Variants in PLEKHA6 observed in about 807,000 individuals in gnomAD.
PLEKHA6 encodes the protein pleckstrin homology domain-containing family A member 6.
In PLEKHA6, 60 loss-of-function variants were observed where a neutral mutation model predicts 116.7. That is an observed-to-expected ratio of 0.51 (90% CI 0.42 to 0.64). The LOEUF is 0.64. Among genes scored for constraint, PLEKHA6 ranks in the 30% least tolerant of loss-of-function variants. The probability of loss-of-function intolerance (pLI) is 0.00; values close to 1 mark genes in which losing one functional copy is unlikely to be tolerated. For missense variants in PLEKHA6, 1,338 were observed against 1,422.7 expected, an observed-to-expected ratio of 0.94 and a Z score of 0.96; for synonymous variants, 489 against 556.1, an observed-to-expected ratio of 0.88 and a Z score of 1.70.
At chr1:204,240,809 G>C (rs1662701701) in intron 17 of PLEKHA6, among the ~76,000 whole-genome samples, 1 of 152,212 alleles carries the variant, frequency 6.6e-6, no homozygotes, top group Admixed American at 6.5e-5. Flanking sequence ...TCCTGGGTGT[G>C]TCTGTGAGGG....
intron 1 of PLEKHA6, among the ~76,000 whole-genome samples, chr1:204,278,300 C>T (rs1668234043): frequency 6.6e-6 from 1 of 152,196 alleles, no homozygotes; most frequent in African/African-American, 2.4e-5. Context: ...GGCTCCAGAC[C>T]CACTGCTATC....
At chr1:204,281,042 G>A in intron 1 of PLEKHA6, 1 of 975,294 alleles carries the variant, frequency 1.0e-6, no homozygotes, top group Non-Finnish European at 1.2e-6. Context: ...CACTGCCTTA[G>A]CCAGGCATGG....
At position 204,376,799 on chromosome 1, in the gene PLEKHA6, G is replaced by A. The variant is rs550014219; in HGVS notation, c.83+784C>T. Among the ~76,000 whole-genome samples the A allele has an allele frequency of 5.8e-4, 88 of 152,304 alleles. No individual in the cohort carries two copies. In the Middle Eastern group the frequency reaches 0.024, roughly 41 times the overall value. ...GGCTATCTTGAGGAAGGAAAAGCTC[G>A]TCAAGTGTGGGTAACAGTCCAAGAC... On this transcript the variant is annotated intron_variant, in intron 1 of 4. Transcript: ENST00000564627.
intron 1 of PLEKHA6, among the ~76,000 whole-genome samples, chr1:204,340,018 T>A (rs1191124087): frequency 6.6e-6 from 1 of 152,230 alleles, no homozygotes; most frequent in Non-Finnish European, 1.5e-5. Flanking sequence ...TGCTTACCCA[T>A]TTTTAGGCAA....
chr1:204,325,902 G>A (rs1203119225), intron 1 of PLEKHA6: 1 of 984,912 alleles, frequency 1.0e-6, no homozygotes, highest in Admixed American at 6.2e-5. Context: ...TTTCCAGGCT[G>A]CCAAAGCCAA....
chr1:204,364,062 G>T (rs531055634), upstream of PLEKHA6, among the ~76,000 whole-genome samples: 25 of 152,198 alleles, frequency 1.6e-4, 1 homozygote, highest in South Asian at 5.0e-3. Flanking sequence ...TAACACATTT[G>T]TCTGCTCCTG....
chr1:204,303,802 C>G (rs561102622), intron 1 of PLEKHA6, among the ~76,000 whole-genome samples: 1 of 152,322 alleles, frequency 6.6e-6, no homozygotes, highest in South Asian at 2.1e-4. Context: ...CAACCTCTGC[C>G]TCCTTGGCTC....
chr1:204,328,803 T>C lies in PLEKHA6; in HGVS notation c.-95+30891A>G, dbSNP rs376277059. The stretch of plus-strand genomic sequence containing the variant: ...GATTTCAAAATAACAATAGCTGACA[T>C]TTGTTGCACATCTACTATATCCCAG... On this transcript the variant is annotated intron_variant, in intron 1 of 22. Transcript: ENST00000272203. 2.7e-4 allele frequency among the ~76,000 whole-genome samples: 41 copies of C among 152,318 alleles called. 1 individual carries two copies. The highest frequency in any genetic ancestry group is 3.4e-3 in the Middle Eastern group (1 of 294).
chr1:204,243,094 G>A, intron 15 of PLEKHA6: 1 of 399,190 alleles, frequency 2.5e-6, no homozygotes, highest in Non-Finnish European at 4.4e-6. Context: ...CACCCTCCAG[G>A]ACCCAAGGGT....
intron 21 of PLEKHA6, among the ~76,000 whole-genome samples, chr1:204,227,250 C>G (rs1378860415): frequency 6.6e-6 from 1 of 152,198 alleles, no homozygotes; most frequent in Non-Finnish European, 1.5e-5. Context: ...CTGAGTCATT[C>G]CTCTTAACTG....
At chr1:204,305,288 G>A (rs1476991650) in intron 1 of PLEKHA6, among the ~76,000 whole-genome samples, 2 of 152,202 alleles carry the variant, frequency 1.3e-5, no homozygotes, top group African/African-American at 4.8e-5. Context: ...GTAAAGGAAA[G>A]TGCGTGCATT....
intron 15 of PLEKHA6, among the ~76,000 whole-genome samples, chr1:204,242,161 G>A (rs1319516878): frequency 2.6e-5 from 4 of 152,158 alleles, no homozygotes; most frequent in African/African-American, 9.7e-5. Context: ...GATCCTGTAG[G>A]GAATCCTACC....
intron 1 of PLEKHA6, among the ~76,000 whole-genome samples, chr1:204,324,487 C>T (rs952595180): frequency 2.6e-5 from 4 of 152,116 alleles, no homozygotes; most frequent in African/African-American, 9.7e-5. Flanking sequence ...ATTAGAGAGG[C>T]AGCTCGTGAT....
At position 204,247,842 on chromosome 1, in the gene PLEKHA6, C is replaced by T. The variant is rs556797730; in HGVS notation, c.1825-382G>A. ...TGGTGGCGCACCCCTGTAGTCCTGG[C>T]GACTTGGGGGCTGAGGCAGGAGATC... is the stretch of plus-strand genomic sequence containing the variant. On this transcript the variant is annotated intron_variant, in intron 12 of 22. Transcript: ENST00000272203. 3.8e-4 allele frequency among the ~76,000 whole-genome samples: 57 copies of T among 151,920 alleles called. 1 individual carries two copies. In the South Asian group the frequency reaches 0.011, roughly 29 times the overall value.
intron 18 of PLEKHA6, 73 bp from the exon 19 acceptor site, chr1:204,229,177 T>G: frequency 6.9e-7 from 1 of 1,456,486 alleles, no homozygotes; most frequent in East Asian, 2.3e-5. Context: ...TGCCCTGTCC[T>G]CGCTTTCCCT....
intron 1 of PLEKHA6, among the ~76,000 whole-genome samples, chr1:204,357,822 C>T (rs1673457356): frequency 6.6e-6 from 1 of 152,252 alleles, no homozygotes; most frequent in Non-Finnish European, 1.5e-5. Flanking sequence ...CAAGAGAGCT[C>T]GCTCTATGAG....
intron 1 of PLEKHA6, among the ~76,000 whole-genome samples, chr1:204,282,432 G>C (rs529718210): frequency 2.2e-4 from 33 of 152,158 alleles, no homozygotes; most frequent in African/African-American, 8.0e-4. Context: ...CTTCCATGTT[G>C]GTGGGTGAAA....
At chr1:204,315,948 A>G (rs1236989843) in intron 1 of PLEKHA6, among the ~76,000 whole-genome samples, 1 of 152,150 alleles carries the variant, frequency 6.6e-6, no homozygotes, top group African/African-American at 2.4e-5. Context: ...GGAAGTAACG[A>G]TAATTCTATA....
chr1:204,350,738 G>A (rs1243468555), intron 1 of PLEKHA6, among the ~76,000 whole-genome samples: 1 of 152,104 alleles, frequency 6.6e-6, no homozygotes, highest in African/African-American at 2.4e-5. Flanking sequence ...TCTTGGTTTG[G>A]ATGGCCCCTG....
Sources: allele counts gnomAD v4.1 joint callset (sites outside exome capture counted in the v4.1 genomes callset), GRCh38; gene constraint gnomAD v4.1.1; transcripts MANE v1.5; gene names NCBI Gene and HGNC (gene_info 2026-07-23, HGNC 2026-07-21).